Variants in KCNC2 observed in about 807,000 individuals in gnomAD.
KCNC2 encodes the protein potassium voltage-gated channel subfamily C member 2.
Under a neutral mutation model 44.5 loss-of-function variants are expected in KCNC2, and 21 were observed. The ratio of observed to expected loss-of-function variants is 0.47; its 90% confidence interval spans 0.33 to 0.68. The LOEUF (loss-of-function observed/expected upper bound fraction) is 0.68. Ranked by LOEUF, KCNC2 falls within the 30% of genes least tolerant of loss-of-function variation. The pLI is 0.01. For synonymous variants in KCNC2, 391 were observed against 339.1 expected (o/e 1.15, Z -1.68); for missense variants, 589 against 826.2 (o/e 0.71, Z 3.52).
intron 2 of KCNC2, among the ~76,000 whole-genome samples, chr12:75,127,023 T>C (rs1888476013): frequency 6.6e-6 from 1 of 152,192 alleles, no homozygotes; most frequent in Non-Finnish European, 1.5e-5. Flanking sequence ...TGCCCTGGTC[T>C]AGTTAATGTA....
At chr12:75,095,099 T>C (rs1885811286) in intron 2 of KCNC2, among the ~76,000 whole-genome samples, 1 of 151,844 alleles carries the variant, frequency 6.6e-6, no homozygotes, top group Admixed American at 6.6e-5. Context: ...AGACTGTGCT[T>C]ACTCCTTTTC....
chr12:75,125,271 G>T (rs1888334775), intron 2 of KCNC2, among the ~76,000 whole-genome samples: 1 of 152,108 alleles, frequency 6.6e-6, no homozygotes, highest in African/African-American at 2.4e-5. Context: ...GTTCACAAGG[G>T]TGGATAATAA....
intron 2 of KCNC2, among the ~76,000 whole-genome samples, chr12:75,128,104 C>T (rs115260821): frequency 0.023 from 3,537 of 152,072 alleles, 141 homozygotes; most frequent in African/African-American, 0.081. Context: ...CTATGGCCCA[C>T]AATGGAAATC....
Position 75,051,172 on chromosome 12 carries a change from G to A in KCNC2, c.833C>T (p.Thr278Met), listed in dbSNP as rs762145266. Residue 278 changes from threonine (T) to methionine (M), a missense_variant, in exon 3 of 5, where the codon ACG becomes ATG. Physicochemically the swap from Thr to Met is moderately conservative, Grantham distance 81 (BLOSUM62 -1). This residue lies in a region of KCNC2 where 40 missense variants were observed against 40.6 expected (regional missense o/e 0.99). Transcript: ENST00000549446. ...TSVVLQYEIE[T>M]DPALTYVEGV... ...TTCTACATACGTCAAGGCAGGATCC[G>A]TTTCAATTTCATACTGTAGAACAAC... 3.1e-6 allele frequency: 5 copies of A among 1,613,552 alleles called. No individual in the cohort carries two copies. Among genetic ancestry groups the A allele is most frequent in the South Asian group, 2.2e-5 (2 of 91,082 alleles).
At chr12:75,183,822 G>A (rs1892758215) in intron 2 of KCNC2, among the ~76,000 whole-genome samples, 1 of 152,116 alleles carries the variant, frequency 6.6e-6, no homozygotes, top group African/African-American at 2.4e-5. Context: ...CTTAGGATAA[G>A]CCCAAATTCC....
intron 2 of KCNC2, among the ~76,000 whole-genome samples, chr12:75,114,949 C>T (rs1472484587): frequency 6.6e-6 from 1 of 150,696 alleles, no homozygotes; most frequent in Non-Finnish European, 1.5e-5. Context: ...CTGCAGGCTC[C>T]GCCCCCCGGG....
intron 2 of KCNC2, among the ~76,000 whole-genome samples, chr12:75,128,267 C>CA (rs1342466498): frequency 6.6e-6 from 1 of 152,118 alleles, no homozygotes; most frequent in African/African-American, 2.4e-5. Flanking sequence ...CTCACATCCC[C>CA]ATATGCTTTA....
chr12:75,050,970 G>T lies in KCNC2; in HGVS notation c.1035C>A (p.Gly345=), dbSNP rs760061175. 6.2e-7 allele frequency: 1 copy of T among 1,613,658 alleles called. No individual in the cohort carries two copies. The highest frequency in any genetic ancestry group is 8.5e-7 in the Non-Finnish European group (1 of 1,179,888). Residue 345 remains glycine, a synonymous_variant, in exon 3 of 5, where the codon GGC becomes GGA. Coordinates refer to ENST00000549446, the MANE Select transcript of KCNC2 (RefSeq NM_139137.4). ...TCACAAACCTTACCACCCTGAGGAA[G>T]CCAAGCACATCTTTAGCAGCTTTGG... ...LSSKAAKDVL[G]FLRVVRFVRI...
At chr12:75,106,206 G>A (rs1354183465) in intron 2 of KCNC2, among the ~76,000 whole-genome samples, 2 of 152,164 alleles carry the variant, frequency 1.3e-5, no homozygotes, top group South Asian at 4.1e-4. Flanking sequence ...CTAAGTCATG[G>A]TGATGGGTGA....
intron 2 of KCNC2, among the ~76,000 whole-genome samples, chr12:75,145,319 C>A (rs1385150380): frequency 6.6e-6 from 1 of 152,036 alleles, no homozygotes; most frequent in Non-Finnish European, 1.5e-5. Flanking sequence ...TAAACAATCC[C>A]AAGTTTAAAA....
At chr12:75,203,625 T>C (rs563463459) in intron 2 of KCNC2, among the ~76,000 whole-genome samples, 2 of 151,958 alleles carry the variant, frequency 1.3e-5, no homozygotes, top group South Asian at 2.1e-4. Context: ...TTTTCTAAAA[T>C]GTGCTTTAAA....
intron 3 of KCNC2, among the ~76,000 whole-genome samples, chr12:75,050,013 C>T (rs530386548): frequency 5.3e-5 from 8 of 151,992 alleles, no homozygotes; most frequent in Middle Eastern, 3.4e-3. Context: ...CCAAGCCAAA[C>T]GATATGGAGA....
In KCNC2 at chr12:75,207,087, A is replaced by T. The variant is rs989277192; in HGVS notation, c.687+210T>A. 2.4e-4 allele frequency among the ~76,000 whole-genome samples: 36 copies of T among 152,130 alleles called. No individual in the cohort carries two copies. Among genetic ancestry groups the T allele is most frequent in the African/African-American group, 8.4e-4 (35 of 41,430 alleles). ...GCAAATCTGTTTGAGTTGGGAGAAG[A>T]GGAGGAGGAGAAAGATGGGACTGGG... On this transcript the variant is annotated intron_variant, in intron 2 of 4. Coordinates refer to ENST00000549446, the MANE Select transcript of KCNC2 (RefSeq NM_139137.4). The surrounding 1 kb of genome is among the most constrained non-coding windows in gnomAD (Gnocchi z 4.1).
chr12:75,114,225 G>A (rs907830006), intron 2 of KCNC2, among the ~76,000 whole-genome samples: 2 of 152,100 alleles, frequency 1.3e-5, no homozygotes, highest in Admixed American at 1.3e-4. Flanking sequence ...AAACAATTAT[G>A]GATAGGTATA....
At chr12:75,107,770 G>A (rs1470325533) in intron 2 of KCNC2, among the ~76,000 whole-genome samples, 1 of 152,062 alleles carries the variant, frequency 6.6e-6, no homozygotes, top group Admixed American at 6.5e-5. Flanking sequence ...TAATTCCTAA[G>A]TCATTAATTT....
chr12:75,199,382 A>G (rs1292109311), intron 2 of KCNC2, among the ~76,000 whole-genome samples: 1 of 151,886 alleles, frequency 6.6e-6, no homozygotes, highest in Non-Finnish European at 1.5e-5. Context: ...AGATGTTGGT[A>G]TCATGATCAA....
chr12:75,076,969 T>G (rs189540928), intron 2 of KCNC2, among the ~76,000 whole-genome samples: 203 of 152,182 alleles, frequency 1.3e-3, no homozygotes, highest in Non-Finnish European at 2.3e-3. Flanking sequence ...TAGTAGTAGA[T>G]TATTTGTTGT....
At position 75,042,218 on chromosome 12, in the gene KCNC2, T is replaced by C; in HGVS notation, c.*887A>G. 7.5e-7 allele frequency: 1 copy of C among 1,335,898 alleles called. No individual in the cohort carries two copies. Among genetic ancestry groups the C allele is most frequent in the African/African-American group, 1.5e-5 (1 of 65,612 alleles). The allele number at this position is 1,335,898 out of a possible 1,614,324, so 82.8% of individuals were successfully genotyped here. A position where few individuals can be genotyped will look rare whatever the true frequency, so the allele number is the denominator to read the frequency against. On this transcript the variant is annotated 3_prime_UTR_variant, in exon 5 of 5. Transcript: ENST00000549446. ...ACAAACCCTGGGTATTTTTTTTTTT[T>C]AAAGAGTCTAGAACCAAGCAGCAAT...
At chr12:75,138,929 G>C (rs1252589527) in intron 2 of KCNC2, among the ~76,000 whole-genome samples, 2 of 144,854 alleles carry the variant, frequency 1.4e-5, no homozygotes, top group Non-Finnish European at 3.0e-5. Context: ...TGCAGTGAGC[G>C]GAGATCGCGC....
Sources: gnomAD v4.1 joint callset for allele counts (sites outside exome capture counted in the v4.1 genomes callset) on GRCh38, gnomAD v4.1.1 for gene constraint, gnomAD v4.1.1 regional missense constraint, Gnocchi (gnomAD v3.1) non-coding constraint, MANE v1.5 for transcripts, NCBI Gene and HGNC (gene_info 2026-07-23, HGNC 2026-07-21) for gene names.